The following NR3C1 variants were observed in gnomAD, a reference collection of about 807,000 sequenced individuals.
NR3C1 encodes nuclear receptor subfamily 3 group C member 1.
In NR3C1, 14 loss-of-function variants were observed where a neutral mutation model predicts 74.0. That is an observed-to-expected ratio of 0.19 (90% CI 0.12 to 0.30). The LOEUF is 0.30. Ranked by LOEUF, NR3C1 falls within the 10% of genes least tolerant of loss-of-function variation. The pLI is 1.00. For missense variants in NR3C1, 695 were observed against 909.8 expected (o/e 0.76, Z 3.04); for synonymous variants, 308 against 332.5 (o/e 0.93, Z 0.80).
At chr5:143,297,459 T>C (rs1817554121) in intron 6 of NR3C1, among the ~76,000 whole-genome samples, 1 of 152,212 alleles carries the variant, frequency 6.6e-6, no homozygotes, top group African/African-American at 2.4e-5. Context: ...TTAAACAGCA[T>C]GGTAGGATTA....
chr5:143,400,309 G>T lies in NR3C1; in HGVS notation c.531C>A (p.Asn177Lys), dbSNP rs1157613777. 1 of 1,610,520 alleles carries T rather than the reference G, an allele frequency of 6.2e-7. No individual in the cohort carries two copies. The highest frequency in any genetic ancestry group is 1.1e-5 in the South Asian group (1 of 90,848). Residue 177 changes from asparagine (N) to lysine (K), a missense_variant, in exon 2 of 9, where the codon AAC (asparagine) becomes AAA (lysine). Physicochemically the swap from Asn to Lys is moderately conservative, Grantham distance 94 (BLOSUM62 0). This residue lies in a region of NR3C1 where 497 missense variants were observed against 489.5 expected (regional missense o/e 1.02). Coordinates refer to ENST00000394464, the MANE Select transcript of NR3C1 (RefSeq NM_000176.3). ...QQHLKGQTGTNGGNVKLYTTD... is the reference protein window; with the variant it reads ...QQHLKGQTGTKGGNVKLYTTD... ...TGGTATACAATTTCACATTGCCACCGTTGGTGCCAGTCTGGCCCTTCAAAT... is the reference window on the plus strand; with the variant it reads ...TGGTATACAATTTCACATTGCCACCTTTGGTGCCAGTCTGGCCCTTCAAAT...
chr5:143,305,100 T>C (rs1230256378), intron 4 of NR3C1, among the ~76,000 whole-genome samples: 2 of 152,068 alleles, frequency 1.3e-5, no homozygotes, highest in African/African-American at 4.8e-5. Flanking sequence ...ATCTACAGAA[T>C]GGGAGAAAAT....
upstream of NR3C1, among the ~76,000 whole-genome samples, chr5:143,405,969 A>G (rs1022702354): frequency 2.0e-5 from 3 of 152,180 alleles, no homozygotes; most frequent in Non-Finnish European, 4.4e-5. Context: ...CAACAGTTTC[A>G]TGGGAAACAA....
At chr5:143,434,856 A>C (rs1254616292) in exon 1 of NR3C1, 3 of 985,342 alleles carry the variant, frequency 3.0e-6, no homozygotes, top group Non-Finnish European at 3.6e-6. Context: ...AGCCAGCTAC[A>C]CAACTCTTGA....
At chr5:143,391,697 GA>G (rs1009797179) in intron 2 of NR3C1, among the ~76,000 whole-genome samples, 191 of 148,694 alleles carry the variant, frequency 1.3e-3, no homozygotes, top group African/African-American at 3.9e-3. Context: ...TAATAAAACT[GA>G]AAAAAAAAAT....
chr5:143,361,445 T>G (rs1832212442), intron 2 of NR3C1, among the ~76,000 whole-genome samples: 1 of 152,206 alleles, frequency 6.6e-6, no homozygotes, highest in East Asian at 1.9e-4. Context: ...AAGGTAATTT[T>G]TTAAACCTTA....
Position 143,374,148 on chromosome 5 carries a change from G to C in NR3C1, c.1184+25508C>G, listed in dbSNP as rs549407544. 1.3e-4 allele frequency among the ~76,000 whole-genome samples: 20 copies of C among 152,200 alleles called. No individual in the cohort carries two copies. In the South Asian group the frequency reaches 4.2e-3, roughly 32 times the overall value. On this transcript the variant is annotated intron_variant, in intron 2 of 8. Transcript: ENST00000394464. ...AAAAATTTGCCTCAGCTCCAGATTG[G>C]CTTGGGGAATGTTTTACAGTGGAGC...
intron 2 of NR3C1, 72 bp downstream of exon 2, chr5:143,399,584 C>G (rs1176619557): frequency 1.7e-6 from 2 of 1,150,076 alleles, no homozygotes; most frequent in Non-Finnish European, 1.3e-6. Context: ...ACATATAAAT[C>G]AATGAAGATT....
chr5:143,299,083 C>T (rs1156582148), intron 5 of NR3C1, among the ~76,000 whole-genome samples: 2 of 146,400 alleles, frequency 1.4e-5, no homozygotes, highest in African/African-American at 5.1e-5. Context: ...GGTGCCATCT[C>T]GGCTCACTGC....
chr5:143,314,289 CA>C, intron 2 of NR3C1, 121 bp from the exon 3 acceptor site: 1 of 989,254 alleles, frequency 1.0e-6, no homozygotes, highest in South Asian at 1.4e-5. Context: ...CAAGTGCTAG[CA>C]GGCACTAAAA....
chr5:143,360,383 A>T (rs970526221), intron 2 of NR3C1, among the ~76,000 whole-genome samples: 4 of 152,220 alleles, frequency 2.6e-5, no homozygotes, highest in African/African-American at 9.6e-5. Context: ...TTTATAAATG[A>T]CTGCCTTTTT....
intron 2 of NR3C1, among the ~76,000 whole-genome samples, chr5:143,345,555 T>C (rs1302165885): frequency 3.3e-5 from 5 of 152,190 alleles, no homozygotes; most frequent in Non-Finnish European, 7.3e-5. Flanking sequence ...GCGATAATCA[T>C]TCAAATGCAT....
rs149540541 is a variant in NR3C1 at position 143,368,937 on chromosome 5, T to C, written c.1184+30719A>G. On this transcript the variant is annotated intron_variant, in intron 2 of 8. Coordinates refer to ENST00000394464, the MANE Select transcript of NR3C1 (RefSeq NM_000176.3). ...AAGGTGACACAGGGCAGCAATCACATAGTGAGAAGGCTGAGCTTACTAGAT... is the reference window on the plus strand; with the variant it reads ...AAGGTGACACAGGGCAGCAATCACACAGTGAGAAGGCTGAGCTTACTAGAT... Among the ~76,000 whole-genome samples, 920 of 152,264 alleles carry C rather than the reference T, an allele frequency of 6.0e-3. 4 individuals carry two copies. Among genetic ancestry groups the C allele is most frequent in the Middle Eastern group, 0.024 (7 of 294 alleles).
At chr5:143,354,674 G>C (rs559809837) in intron 2 of NR3C1, among the ~76,000 whole-genome samples, 1 of 152,252 alleles carries the variant, frequency 6.6e-6, no homozygotes, top group East Asian at 1.9e-4. Context: ...GGTAATCCCA[G>C]CACTTTGGGA....
intron 1 of NR3C1, among the ~76,000 whole-genome samples, chr5:143,431,959 T>A (rs193156267): frequency 1.3e-5 from 2 of 152,344 alleles, no homozygotes; most frequent in African/African-American, 4.8e-5. Context: ...GGAACAGAGA[T>A]GACTCTCCCT....
At chr5:143,317,263 A>AT (rs1822324439) in intron 2 of NR3C1, among the ~76,000 whole-genome samples, 1 of 152,210 alleles carries the variant, frequency 6.6e-6, no homozygotes, top group South Asian at 2.1e-4. Context: ...ACCATATGGA[A>AT]TTGACATCTT....
intron 2 of NR3C1, among the ~76,000 whole-genome samples, chr5:143,343,235 A>G (rs139433236): frequency 2.6e-5 from 4 of 152,334 alleles, no homozygotes; most frequent in East Asian, 3.9e-4. Flanking sequence ...GGGATTCCAG[A>G]TATCTTTCTA....
chr5:143,381,345 TG>T (rs1291323135), intron 2 of NR3C1, among the ~76,000 whole-genome samples: 1 of 152,100 alleles, frequency 6.6e-6, no homozygotes, highest in East Asian at 1.9e-4. Context: ...GAATCAATAT[TG>T]TTAAAATGTC....
intron 2 of NR3C1, among the ~76,000 whole-genome samples, chr5:143,317,167 G>A (rs1822305237): frequency 6.6e-6 from 1 of 152,100 alleles, no homozygotes; most frequent in Non-Finnish European, 1.5e-5. Context: ...TGGAAAAAAT[G>A]GATGAATGCT....
Sources: gnomAD v4.1 joint callset for allele counts (sites outside exome capture counted in the v4.1 genomes callset) on GRCh38, gnomAD v4.1.1 for gene constraint, gnomAD v4.1.1 regional missense constraint, MANE v1.5 for transcripts, NCBI Gene and HGNC (gene_info 2026-07-23, HGNC 2026-07-21) for gene names.